PEG3: variants seen among roughly 807,000 people sequenced by gnomAD.
PEG3 encodes paternally-expressed gene 3 protein.
In PEG3, 23 loss-of-function variants were observed where a neutral mutation model predicts 35.5. That is an observed-to-expected ratio of 0.65 (90% CI 0.47 to 0.92). The LOEUF is 0.92. Ranked by LOEUF, PEG3 falls within the 40% of genes least tolerant of loss-of-function variation. The probability of loss-of-function intolerance (pLI) is 0.00; values close to 1 mark genes in which losing one functional copy is unlikely to be tolerated. For missense variants in PEG3, 1,960 were observed against 1,985.3 expected (o/e 0.99, Z 0.24); for synonymous variants, 707 against 697.0 (o/e 1.01, Z -0.23).
At chr19:56,833,413 G>A in intron 2 of PEG3, 1 of 337,960 alleles carries the variant, frequency 3.0e-6, no homozygotes, top group Admixed American at 4.2e-5. Flanking sequence ...CCATTCTCCT[G>A]CCTCTCTCTG....
intron 2 of PEG3, among the ~76,000 whole-genome samples, chr19:56,832,522 C>T (rs2061673205): frequency 6.6e-6 from 1 of 152,234 alleles, no homozygotes; most frequent in African/African-American, 2.4e-5. Flanking sequence ...CTCCCACACA[C>T]CCCTCATTAC....
chr19:56,833,510 G>A (rs372489089), intron 2 of PEG3: 1 of 264,022 alleles, frequency 3.8e-6, no homozygotes, highest in Non-Finnish European at 7.5e-6. Flanking sequence ...TTAAATGCCC[G>A]ACACTCAGTG....
chr19:56,839,714 T>C (rs1353109001), intron 1 of PEG3, among the ~76,000 whole-genome samples: 1 of 151,886 alleles, frequency 6.6e-6, no homozygotes, highest in Non-Finnish European at 1.5e-5. Context: ...TTACATCCAA[T>C]GCAACCCACA....
chr19:56,815,875 T>A lies in PEG3; in HGVS notation c.2567A>T (p.Asn856Ile). 1.2e-6 allele frequency: 2 copies of A among 1,613,396 alleles called. No homozygotes were observed. Among genetic ancestry groups the A allele is most frequent in the South Asian group, 1.1e-5 (1 of 90,992 alleles). The part of the protein sequence containing the change: ...SHNGNELVES[N>I]EKGESSIYIS... ...ATAAATGGAGGATTCTCCCTTCTCA[T>A]TAGATTCCACCAATTCATTTCCATT... The change falls in exon 10 of 10, where the codon AAT (asparagine) becomes ATT (isoleucine). Residue 856 changes from asparagine to isoleucine, a missense_variant. By Grantham distance (149) the Asn-to-Ile change is moderately radical. Transcript: ENST00000326441.
rs534325340 is a variant in PEG3 at position 56,815,986 on chromosome 19, C to T, written c.2456G>A (p.Arg819His). The change falls in exon 10 of 10, where the codon CGT becomes CAT. Residue 819 changes from arginine (R) to histidine (H), a missense_variant. Physicochemically the swap from Arg to His is conservative, Grantham distance 29 (BLOSUM62 0). Transcript: ENST00000326441. Reference sequence around the variant, plus strand: ...TCCTTCAGAGGTGTTCCCTCCAGCACGAACTCTCTGATGGTTGATAGCATC... The same window carrying T: ...TCCTTCAGAGGTGTTCCCTCCAGCATGAACTCTCTGATGGTTGATAGCATC... ...SFDAINHQRV[R>H]AGGNTSEGRE... 3.3e-5 allele frequency: 52 copies of T among 1,584,310 alleles called. No homozygotes were observed. The highest frequency in any genetic ancestry group is 6.8e-5 in the African/African-American group (5 of 73,958).
intron 1 of PEG3, among the ~76,000 whole-genome samples, chr19:56,839,984 G>GC (rs1254832770): frequency 6.6e-6 from 1 of 152,212 alleles, no homozygotes; most frequent in Non-Finnish European, 1.5e-5. Context: ...ACCCCTACAG[G>GC]CAGGACAGCC....
chr19:56,814,212 C>T lies in PEG3; in HGVS notation c.4230G>A (p.Glu1410=), dbSNP rs749490635. The part of the protein sequence containing the change: ...EAAEPEVEAA[E]PEVEAAEPNG... The stretch of plus-strand genomic sequence containing the variant: ...TTGGCTCAGCAGCCTCCACTTCTGG[C>T]TCAGCAGCCTCCACTTCTGGCTCGG... Residue 1410 remains glutamate (E), a synonymous_variant, in exon 10 of 10, where the codon GAG becomes GAA. Coordinates refer to ENST00000326441, the MANE Select transcript of PEG3 (RefSeq NM_006210.3). The surrounding 1 kb of genome is among the most constrained non-coding windows in gnomAD (Gnocchi z 5.8). The T allele has an allele frequency of 3.1e-5, 50 of 1,613,614 alleles. 1 individual carries two copies. Among genetic ancestry groups the T allele is most frequent in the South Asian group, 9.9e-5 (9 of 91,064 alleles).
chr19:56,814,144 A>G lies in PEG3; in HGVS notation c.4298T>C (p.Ile1433Thr), dbSNP rs375695469. 53 of 1,613,454 alleles carry G rather than the reference A, an allele frequency of 3.3e-5. No individual in the cohort carries two copies. Among genetic ancestry groups the G allele is most frequent in the East Asian group, 4.5e-5 (2 of 44,828 alleles). The change falls in exon 10 of 10, where the codon ATT becomes ACT. Residue 1433 changes from isoleucine (I) to threonine (T), a missense_variant. Physicochemically the swap from Ile to Thr is moderately conservative, Grantham distance 89. This residue lies in a region of PEG3 where 416 missense variants were observed against 416.7 expected (regional missense o/e 1.00). Coordinates refer to ENST00000326441, the MANE Select transcript of PEG3 (RefSeq NM_006210.3). This position sits in a 1 kb window ranked among gnomAD's most constrained non-coding sequence, Gnocchi z 5.8. ...TCCATTTGGCTGTCCAGCCTCTCCA[A>G]TGGGCTCTGCAGCCTCTCCATCTGG... ...EGPDGEAAEP[I>T]GEAGQPNGEA...
intron 2 of PEG3, among the ~76,000 whole-genome samples, chr19:56,828,116 C>A (rs2061235266): frequency 6.6e-6 from 1 of 152,170 alleles, no homozygotes; most frequent in African/African-American, 2.4e-5. Flanking sequence ...GTGCTACTCA[C>A]AGAGCAGGTG....
chr19:56,823,656 T>C lies in PEG3; in HGVS notation c.418A>G (p.Ser140Gly), dbSNP rs758502120. The change falls in exon 5 of 10, where the codon AGC (serine) becomes GGC (glycine). Residue 140 changes from serine (S) to glycine (G), a missense_variant. This residue lies in a region of PEG3 where 613 missense variants were observed against 577.1 expected (regional missense o/e 1.06). Coordinates refer to ENST00000326441, the MANE Select transcript of PEG3 (RefSeq NM_006210.3). The stretch of plus-strand genomic sequence containing the variant: ...CTGTTCCGGGTCATGTCGTCGTCGC[T>C]GGTCACGTCACTGTTGTTGTCGTCT... ...PEDDNNSDVT[S>G]DDDMTRNRRE... is the part of the protein sequence containing the mutation. The C allele has an allele frequency of 8.7e-6, 14 of 1,614,118 alleles. No homozygotes were observed. The East Asian group carries it at 2.7e-4, about 31-fold the overall frequency.
Position 56,816,986 on chromosome 19 carries a change from A to G in PEG3, c.1456T>C (p.Phe486Leu), listed in dbSNP as rs570208533. Residue 486 changes from phenylalanine to leucine, a missense_variant, in exon 10 of 10, where the codon TTT becomes CTT. By Grantham distance (22) the Phe-to-Leu change is conservative. Transcript: ENST00000326441. ...TCACTGACAGCCACACTGTGGATAA[A>G]GGACTCACCATACTCATAGAGGTTC... ...RENLYEYGESFIHSVAVSEVQ... is the reference protein window; with the variant it reads ...RENLYEYGESLIHSVAVSEVQ... 142 of 1,614,044 alleles carry G rather than the reference A, an allele frequency of 8.8e-5. No individual in the cohort carries two copies. The highest frequency in any genetic ancestry group is 8.8e-5 in the Non-Finnish European group (104 of 1,179,998).
rs1279278164 is a variant in PEG3 at position 56,840,592 on chromosome 19, TG to T, written c.-261del. The T allele has an allele frequency of 2.0e-5, 3 of 152,402 alleles. No homozygotes were observed. The highest frequency in any genetic ancestry group is 7.2e-5 in the African/African-American group (3 of 41,444). 9.4% of individuals were successfully genotyped at this position (152,402 alleles called of 1,614,324 possible). A position where few individuals can be genotyped will look rare whatever the true frequency, so the allele number is the denominator to read the frequency against. Reference sequence around the variant, plus strand: ...CGAAGGCGCACTCACCTCACCTCAGTGCTGCGCAGCCTCGGGCACGAACAGC... The same window carrying T: ...CGAAGGCGCACTCACCTCACCTCAGTCTGCGCAGCCTCGGGCACGAACAGC... On this transcript the variant is annotated 5_prime_UTR_variant, in exon 1 of 10. Coordinates refer to ENST00000326441, the MANE Select transcript of PEG3 (RefSeq NM_006210.3).
chr19:56,822,490 C>A, intron 6 of PEG3: 1 of 355,314 alleles, frequency 2.8e-6, no homozygotes, highest in Non-Finnish European at 4.7e-6. Flanking sequence ...CATACAGAAA[C>A]TTCCAGTTTT....
At chr19:56,827,516 C>T (rs1026556961) in intron 2 of PEG3, among the ~76,000 whole-genome samples, 3 of 152,008 alleles carry the variant, frequency 2.0e-5, no homozygotes, top group South Asian at 2.1e-4. Flanking sequence ...ATCATAAAGC[C>T]GGGCAACATA....
At chr19:56,825,854 T>C (rs1162466955) in intron 3 of PEG3, among the ~76,000 whole-genome samples, 1 of 152,218 alleles carries the variant, frequency 6.6e-6, no homozygotes, top group Non-Finnish European at 1.5e-5. Flanking sequence ...GGTGTTTCCA[T>C]TATTCAGAGT....
Position 56,836,040 on chromosome 19 carries a change from T to TG in PEG3, c.-186dup, listed in dbSNP as rs762095642. ...CACCTGGACCCAGCCACCTAGCGTT[T>TG]GGACCTAGTCCCTCTTCCTCTCGCC... On this transcript the variant is annotated 5_prime_UTR_variant, in exon 2 of 10. Transcript: ENST00000326441. 3.9e-6 allele frequency: 2 copies of TG among 511,620 alleles called. No individual in the cohort carries two copies. Among genetic ancestry groups the TG allele is most frequent in the Non-Finnish European group, 7.8e-6 (2 of 256,566 alleles). 31.7% of individuals were successfully genotyped at this position (511,620 alleles called of 1,614,324 possible). A position where few individuals can be genotyped will look rare whatever the true frequency, so the allele number is the denominator to read the frequency against.
chr19:56,839,157 A>G (rs927891755), intron 1 of PEG3, among the ~76,000 whole-genome samples: 4 of 150,942 alleles, frequency 2.7e-5, no homozygotes, highest in African/African-American at 9.8e-5. Flanking sequence ...TGGGGCTTGA[A>G]CAAACCACTA....
At chr19:56,825,567 CT>C (rs5828698) in intron 3 of PEG3, among the ~76,000 whole-genome samples, 1 of 151,720 alleles carries the variant, frequency 6.6e-6, no homozygotes, top group Admixed American at 6.6e-5. Context: ...TCAATCTCTC[CT>C]TTTTTTTATG....
At chr19:56,827,416 T>A (rs1164665116) in intron 2 of PEG3, among the ~76,000 whole-genome samples, 3 of 147,086 alleles carry the variant, frequency 2.0e-5, no homozygotes, top group Non-Finnish European at 4.5e-5. Context: ...AGAAAAACCT[T>A]AAAAAAAAAA....
Sources: gnomAD v4.1 joint callset for allele counts (sites outside exome capture counted in the v4.1 genomes callset) on GRCh38, gnomAD v4.1.1 for gene constraint, gnomAD v4.1.1 regional missense constraint, Gnocchi (gnomAD v3.1) non-coding constraint, MANE v1.5 for transcripts, NCBI Gene and HGNC (gene_info 2026-07-23, HGNC 2026-07-21) for gene names.